STAG2: variants seen among roughly 807,000 people sequenced by gnomAD.
STAG2 encodes cohesin subunit SA-2.
Under a neutral mutation model 108.1 loss-of-function variants are expected in STAG2, and 14 were observed. The observed-to-expected ratio is 0.13, with a 90% CI of 0.09 to 0.20. The LOEUF is 0.20. Ranked by LOEUF, STAG2 falls within the 10% of genes least tolerant of loss-of-function variation. The pLI, the probability that STAG2 is intolerant of heterozygous loss-of-function variation, is 1.00. For missense variants in STAG2, 440 were observed against 940.9 expected (o/e 0.47, Z 6.96); for synonymous variants, 307 against 302.7 (o/e 1.01, Z -0.15).
chrX:124,070,468 C>A (rs752242669), intron 24 of STAG2, among the ~76,000 whole-genome samples: 37 of 111,823 alleles, frequency 3.3e-4, no homozygotes, highest in African/African-American at 1.2e-3. Flanking sequence ...CCCTTCCCAA[C>A]AAATAATTAA....
In STAG2 at chrX:124,088,338, G is replaced by A. The variant is rs375931405; in HGVS notation, c.3277+1568G>A. On this transcript the variant is annotated intron_variant, in intron 30 of 34. Transcript: ENST00000371145. ...CCAGATACGTCAATTTTTACAGGAA[G>A]AATCAATGCTCTCATTCAGGTTTTT... is the stretch of plus-strand genomic sequence containing the variant. Among the ~76,000 whole-genome samples, 28 of 110,765 alleles carry A rather than the reference G, an allele frequency of 2.5e-4. No homozygotes were observed. In the East Asian group the frequency reaches 7.6e-3, roughly 30 times the overall value.
chrX:124,090,611 G>A lies in STAG2; in HGVS notation c.3314G>A (p.Ser1105Asn). Reference protein sequence around the residue: ...ESSSSDSMWLSREQTLHTPVM... With the variant: ...ESSSSDSMWLNREQTLHTPVM... The stretch of plus-strand genomic sequence containing the variant: ...AGTAGTAGTGACAGTATGTGGTTAA[G>A]CAGAGAACAAACACTGCACACCCCT... Residue 1105 changes from serine (S) to asparagine (N), a missense_variant, in exon 31 of 35, where the codon AGC becomes AAC. This residue lies in a region of STAG2 where 337 missense variants were observed against 649.3 expected (regional missense o/e 0.52). Transcript: ENST00000371145. 8.3e-7 allele frequency: 1 copy of A among 1,198,896 alleles called. No individual in the cohort carries two copies. Among genetic ancestry groups the A allele is most frequent in the Admixed American group, 2.2e-5 (1 of 45,472 alleles).
rs2057791189 is a variant in STAG2, at chrX:124,043,738, TTA to T, written c.462+1094_462+1095del. On this transcript the variant is annotated intron_variant, in intron 7 of 34. Transcript: ENST00000371145. ...AGATACTTTTATTGTTTAAAAACTC[TTA>T]AGAACAACAAAGATTACATATTAGT... Among the ~76,000 whole-genome samples the T allele has an allele frequency of 5.4e-5, 6 of 111,815 alleles. No homozygotes were observed. The South Asian group carries it at 2.2e-3, about 41-fold the overall frequency.
intron 9 of STAG2, 85 bp from the exon 10 acceptor site, chrX:124,048,920 C>A: frequency 2.6e-6 from 2 of 760,105 alleles, no homozygotes; most frequent in South Asian, 4.7e-5. Flanking sequence ...GGGAATTCTG[C>A]TTTTTTTGTG....
Position 124,064,173 on chromosome X carries a change from A to T in STAG2, c.2025+122A>T, listed in dbSNP as rs1603087503. The T allele has an allele frequency of 9.8e-6, 5 of 508,850 alleles. No individual in the cohort carries two copies. In the South Asian group the frequency reaches 2.0e-4, roughly 20 times the overall value. 41.9% of individuals were successfully genotyped at this position (508,850 alleles called of 1,213,427 possible). A position where few individuals can be genotyped will look rare whatever the true frequency, so the allele number is the denominator to read the frequency against. On this transcript the variant is annotated intron_variant, in intron 20 of 34. Coordinates refer to ENST00000371145, the MANE Select transcript of STAG2 (RefSeq NM_001042750.2). ...CTAGCAGTATTTTGAAAAGATGTTC[A>T]GGCTTTTCATTCTATGACTCATCAG...
At position 124,092,345 on chromosome X, in the gene STAG2, A is replaced by G. The variant is rs773806851; in HGVS notation, c.3578+1381A>G. Among the ~76,000 whole-genome samples the G allele has an allele frequency of 1.5e-4, 17 of 111,579 alleles. No homozygotes were observed. In the South Asian group the frequency reaches 5.9e-3, roughly 39 times the overall value. On this transcript the variant is annotated intron_variant, in intron 32 of 34. Transcript: ENST00000371145. Reference sequence around the variant, plus strand: ...TCCCCTTTTGTCTGTTTCTGTGACCACATTCCTTTTAATATAAGTTCTTAT... The same window carrying G: ...TCCCCTTTTGTCTGTTTCTGTGACCGCATTCCTTTTAATATAAGTTCTTAT...
rs1284792769 is a variant in STAG2, at chrX:124,071,750, GT to G, written c.2533+435del. On this transcript the variant is annotated intron_variant, in intron 25 of 34. Transcript: ENST00000371145. ...TTTGTTGTGTACTTGTATACCGTAGGTTTTTTTTGTTTTTTAATTTGGGGAG... is the reference window on the plus strand; with the variant it reads ...TTTGTTGTGTACTTGTATACCGTAGGTTTTTTTGTTTTTTAATTTGGGGAG... Among the ~76,000 whole-genome samples the G allele has an allele frequency of 5.4e-5, 6 of 110,797 alleles. No individual in the cohort carries two copies. The East Asian group carries it at 1.7e-3, about 31-fold the overall frequency.
intron 1 of STAG2, among the ~76,000 whole-genome samples, chrX:123,986,697 T>C (rs1165715989): frequency 8.9e-6 from 1 of 111,781 alleles, no homozygotes; most frequent in Non-Finnish European, 1.9e-5. Context: ...TTTTAGAAAA[T>C]GTTACAGAGA....
At chrX:124,068,034 CAA>C (rs11366862) in intron 23 of STAG2, among the ~76,000 whole-genome samples, 4 of 90,483 alleles carry the variant, frequency 4.4e-5, no homozygotes, top group Non-Finnish European at 2.2e-5. Flanking sequence ...AGCTCCATCT[CAA>C]AAAAAAAAAA....
chrX:124,014,631 G>A lies in STAG2; in HGVS notation c.-162-6736G>A, dbSNP rs776319054. 2.1e-4 allele frequency among the ~76,000 whole-genome samples: 23 copies of A among 111,739 alleles called. 1 individual carries two copies. Among genetic ancestry groups the A allele is most frequent in the Admixed American group, 2.0e-3 (21 of 10,527 alleles). ...CTGTCTTGGCCTCCCAAAGTGCTGG[G>A]ATTACAGGCCTGAGCTACTGCACCC... On this transcript the variant is annotated intron_variant, in intron 1 of 34. Transcript: ENST00000371145.
intron 1 of STAG2, among the ~76,000 whole-genome samples, chrX:124,012,119 A>T (rs1227547980): frequency 4.5e-5 from 5 of 111,992 alleles, no homozygotes; most frequent in African/African-American, 1.6e-4. Context: ...ATGTTGAAAC[A>T]GTCTTGCATT....
At chrX:124,001,786 A>G (rs945018169) in intron 1 of STAG2, among the ~76,000 whole-genome samples, 1 of 111,949 alleles carries the variant, frequency 8.9e-6, no homozygotes, top group Non-Finnish European at 1.9e-5. Context: ...ACACTCTGTG[A>G]TATTTGCACA....
chrX:123,970,327 A>G lies in STAG2; in HGVS notation c.-163+8471A>G, dbSNP rs560283958. 2.0e-4 allele frequency among the ~76,000 whole-genome samples: 22 copies of G among 110,467 alleles called. 1 individual carries two copies. The South Asian group carries it at 6.5e-3, about 33-fold the overall frequency. ...TATTATAAATTAGTTTCTCCCCTGC[A>G]CATCTAGAAAGATATTAGTTAGGTA... On this transcript the variant is annotated intron_variant, in intron 1 of 34. Transcript: ENST00000371145.
intron 28 of STAG2, among the ~76,000 whole-genome samples, chrX:124,082,260 T>C (rs1470867501): frequency 8.9e-6 from 1 of 111,936 alleles, no homozygotes; most frequent in Non-Finnish European, 1.9e-5. Context: ...CTTCTTTCCA[T>C]CTGCATATTT....
chrX:124,033,946 G>T (rs781712730), intron 5 of STAG2, among the ~76,000 whole-genome samples: 46 of 111,161 alleles, frequency 4.1e-4, no homozygotes, highest in Non-Finnish European at 7.4e-4. Flanking sequence ...CATGGAAGGG[G>T]CAAGGCAGCT....
rs2148467864 is a variant in STAG2, at chrX:124,086,786, A to C, written c.3277+16A>C. 1 of 1,105,395 alleles carries C rather than the reference A, an allele frequency of 9.0e-7. No individual in the cohort carries two copies. The highest frequency in any genetic ancestry group is 1.2e-6 in the Non-Finnish European group (1 of 822,083). 91.1% of individuals were successfully genotyped at this position (1,105,395 alleles called of 1,213,427 possible). ...CTTTCACTCAGTAAGGATATAATTT[A>C]TTCTCTTTATATTTATCCCTAATGT... On this transcript the variant is annotated intron_variant, in intron 30 of 34. Transcript: ENST00000371145.
rs373076855 is a variant in STAG2 at position 124,086,725 on chromosome X, T to C, written c.3232T>C (p.Ser1078Pro). ...AGTACGGAGTAAAAAATCAAAACCA[T>C]CTACAGGAAAACGGAAAGTGGTTGA... Reference protein sequence around the residue: ...STVRSKKSKPSTGKRKVVEGM... With the variant: ...STVRSKKSKPPTGKRKVVEGM... Residue 1078 changes from serine to proline, a missense_variant, in exon 30 of 35, where the codon TCT becomes CCT. Physicochemically the swap from Ser to Pro is moderately conservative, Grantham distance 74. Around this residue, in one of 3 missense-constraint regions of STAG2, gnomAD observed 337 missense variants for 649.3 expected, o/e 0.52. Coordinates refer to ENST00000371145, the MANE Select transcript of STAG2 (RefSeq NM_001042750.2). The C allele has an allele frequency of 1.6e-5, 19 of 1,207,988 alleles. No individual in the cohort carries two copies. Among genetic ancestry groups the C allele is most frequent in the Non-Finnish European group, 2.1e-5 (19 of 894,901 alleles).
intron 1 of STAG2, among the ~76,000 whole-genome samples, chrX:123,966,753 A>G (rs1439325617): frequency 8.9e-6 from 1 of 111,882 alleles, no homozygotes; most frequent in Non-Finnish European, 1.9e-5. Context: ...TTAAAAATCT[A>G]TGCATCTTCA....
At chrX:124,039,354 A>C (rs962734605) in intron 6 of STAG2, among the ~76,000 whole-genome samples, 1 of 109,092 alleles carries the variant, frequency 9.2e-6, no homozygotes, top group Non-Finnish European at 1.9e-5. Flanking sequence ...TTTTGTGGAC[A>C]TGGGGTTTTG....
Sources: allele counts gnomAD v4.1 joint callset (sites outside exome capture counted in the v4.1 genomes callset), GRCh38; gene constraint gnomAD v4.1.1; regional missense constraint gnomAD v4.1.1; transcripts MANE v1.5; gene names NCBI Gene and HGNC (gene_info 2026-07-23, HGNC 2026-07-21).